Variants in EXOC6 observed in about 807,000 individuals in gnomAD.
The protein encoded by EXOC6 is exocyst complex component 6, also known as SEC15-like 1.
A neutral mutation model predicts 112.5 loss-of-function variants in EXOC6; 60 were observed. The ratio of observed to expected loss-of-function variants is 0.53; its 90% CI spans 0.43 to 0.66. The LOEUF (loss-of-function observed/expected upper bound fraction) is 0.66. Among genes scored for constraint, EXOC6 ranks in the 30% least tolerant of loss-of-function variants. EXOC6 has a pLI of 0.00. For synonymous variants in EXOC6, 295 were observed against 308.0 expected (o/e 0.96, Z 0.44); for missense variants, 855 against 957.1 (o/e 0.89, Z 1.41).
chr10:93,014,902 C>T (rs565762600), intron 20 of EXOC6, among the ~76,000 whole-genome samples: 2 of 151,682 alleles, frequency 1.3e-5, no homozygotes, highest in African/African-American at 2.4e-5. Flanking sequence ...TTTTCCACCT[C>T]TTTATTTTTT....
intron 17 of EXOC6, among the ~76,000 whole-genome samples, chr10:92,964,485 G>A (rs2134052199): frequency 6.6e-6 from 1 of 152,174 alleles, no homozygotes; most frequent in South Asian, 2.1e-4. Flanking sequence ...AGTTAACTAG[G>A]GAGGACACCT....
chr10:92,914,256 A>G (rs1850960215), intron 6 of EXOC6, among the ~76,000 whole-genome samples: 1 of 152,242 alleles, frequency 6.6e-6, no homozygotes, highest in Admixed American at 6.5e-5. Flanking sequence ...ATGCCTGATC[A>G]TCTGAGGTGG....
chr10:92,874,460 A>G (rs908559238), intron 1 of EXOC6, among the ~76,000 whole-genome samples: 5 of 152,142 alleles, frequency 3.3e-5, no homozygotes, highest in African/African-American at 1.2e-4. Flanking sequence ...AAGATGATCA[A>G]TATTGTGGTA....
At chr10:92,840,659 G>A (rs1846813694) in intron 1 of EXOC6, among the ~76,000 whole-genome samples, 1 of 151,430 alleles carries the variant, frequency 6.6e-6, no homozygotes, top group African/African-American at 2.4e-5. Flanking sequence ...TATATTTAGA[G>A]TGTAGAACTT....
intron 13 of EXOC6, among the ~76,000 whole-genome samples, chr10:92,946,775 T>TAGA (rs981772088): frequency 2.6e-5 from 4 of 152,228 alleles, no homozygotes; most frequent in Admixed American, 2.6e-4. Flanking sequence ...TCCAGTGGTC[T>TAGA]AGAATGCTTT....
intron 8 of EXOC6, among the ~76,000 whole-genome samples, chr10:92,924,707 G>A (rs537301923): frequency 1.1e-4 from 17 of 152,016 alleles, no homozygotes; most frequent in Non-Finnish European, 2.1e-4. Context: ...GTAGCTTTAG[G>A]GGTACAAGTG....
intron 19 of EXOC6, 99 bp from the exon 20 acceptor site, chr10:93,014,092 ATAT>A (rs1844385739): frequency 8.4e-6 from 7 of 835,198 alleles, no homozygotes; most frequent in East Asian, 8.2e-5. Context: ...TTATGTGTAA[ATAT>A]TATAATGCAT....
intron 20 of EXOC6, among the ~76,000 whole-genome samples, chr10:93,029,245 C>T (rs531838645): frequency 5.3e-5 from 8 of 152,274 alleles, no homozygotes; most frequent in Non-Finnish European, 1.0e-4. Context: ...ACTTAATAGA[C>T]TATAGTGTAA....
At chr10:93,011,222 C>CA (rs796882523) in intron 19 of EXOC6, among the ~76,000 whole-genome samples, 1,950 of 112,622 alleles carry the variant, frequency 0.017, 27 homozygotes, top group African/African-American at 0.053. Context: ...TTTTTGTGAC[C>CA]AAAAAAAAAA....
intron 1 of EXOC6, among the ~76,000 whole-genome samples, chr10:92,856,061 G>A (rs373394805): frequency 1.3e-4 from 20 of 151,934 alleles, no homozygotes; most frequent in African/African-American, 4.8e-4. Flanking sequence ...GATAGGGTTT[G>A]CCACGTTGGC....
At chr10:92,838,369 G>A (rs754116610) in intron 1 of EXOC6, among the ~76,000 whole-genome samples, 1 of 152,148 alleles carries the variant, frequency 6.6e-6, no homozygotes, top group Non-Finnish European at 1.5e-5. Context: ...GGTCCAGCTC[G>A]TTTCCTGCCT....
At chr10:92,999,657 CG>C (rs1843662041) in intron 19 of EXOC6, among the ~76,000 whole-genome samples, 1 of 151,614 alleles carries the variant, frequency 6.6e-6, no homozygotes, top group Non-Finnish European at 1.5e-5. Flanking sequence ...AGTATATTGT[CG>C]TATGTCCTCT....
At chr10:93,012,369 G>A (rs1398198798) in intron 19 of EXOC6, among the ~76,000 whole-genome samples, 1 of 152,070 alleles carries the variant, frequency 6.6e-6, no homozygotes, top group Non-Finnish European at 1.5e-5. Context: ...CTTTTTAATA[G>A]AACAAAAAAA....
intron 1 of EXOC6, among the ~76,000 whole-genome samples, chr10:92,835,731 A>G (rs948671879): frequency 6.6e-6 from 1 of 152,218 alleles, no homozygotes; most frequent in East Asian, 1.9e-4. Context: ...CATAGTTTGA[A>G]TATCTTCAAA....
intron 19 of EXOC6, among the ~76,000 whole-genome samples, chr10:93,010,731 A>C (rs17108042): frequency 0.08 from 12,075 of 151,048 alleles, 546 homozygotes; most frequent in Admixed American, 0.14. Context: ...GGACTCGGCA[A>C]CTTTTAAACT....
rs143091146 is a variant in EXOC6, at chr10:92,906,994, G to A, written c.459-2433G>A. On this transcript the variant is annotated intron_variant, in intron 5 of 21. Coordinates refer to ENST00000260762, the MANE Select transcript of EXOC6 (RefSeq NM_019053.6). ...GCATTTAGAAACAGATAAAACATAG[G>A]AGATTTGTGGCTAAATTTTAGAAAG... Among the ~76,000 whole-genome samples, 209 of 152,270 alleles carry A rather than the reference G, an allele frequency of 1.4e-3. 3 individuals carry two copies. Among genetic ancestry groups the A allele is most frequent in the Middle Eastern group, 3.4e-3 (1 of 294 alleles).
chr10:92,975,862 C>A (rs1423493268), intron 18 of EXOC6, among the ~76,000 whole-genome samples: 1 of 138,922 alleles, frequency 7.2e-6, no homozygotes, highest in African/African-American at 2.7e-5. Flanking sequence ...CCGGCCGCCC[C>A]TACTGGGAAG....
At chr10:92,834,259 AG>A (rs1846590360), upstream of EXOC6, among the ~76,000 whole-genome samples, 1 of 152,150 alleles carries the variant, frequency 6.6e-6, no homozygotes, top group Non-Finnish European at 1.5e-5. Flanking sequence ...TTTGTGGGCA[AG>A]CCCTTGCCCA....
At chr10:93,013,880 G>T (rs193083354) in intron 19 of EXOC6, among the ~76,000 whole-genome samples, 10 of 152,252 alleles carry the variant, frequency 6.6e-5, no homozygotes, top group Non-Finnish European at 8.8e-5. Context: ...AGGCTAAAAA[G>T]GGTCAGAAAG....
Sources: allele counts gnomAD v4.1 joint callset (sites outside exome capture counted in the v4.1 genomes callset), GRCh38; gene constraint gnomAD v4.1.1; transcripts MANE v1.5; gene names NCBI Gene and HGNC (gene_info 2026-07-23, HGNC 2026-07-21).